The following CNTNAP2 variants were observed in gnomAD, a reference collection of about 807,000 sequenced individuals.
CNTNAP2 encodes the protein contactin associated protein 2.
In CNTNAP2, 98 loss-of-function variants were observed where a neutral mutation model predicts 155.2. That is an observed-to-expected ratio of 0.63 (90% CI 0.54 to 0.75). CNTNAP2 has a LOEUF of 0.75. Ranked by LOEUF, CNTNAP2 falls within the 30% of genes least tolerant of loss-of-function variation. The pLI, the probability that CNTNAP2 is intolerant of heterozygous loss-of-function variation, is 0.00. For missense variants in CNTNAP2, 1,727 were observed against 1,688.1 expected, an observed-to-expected ratio of 1.02 and a Z score of -0.40; for synonymous variants, 651 against 631.2, an observed-to-expected ratio of 1.03 and a Z score of -0.47.
At chr7:147,410,954 T>G (rs1052440221) in intron 10 of CNTNAP2, among the ~76,000 whole-genome samples, 1 of 152,168 alleles carries the variant, frequency 6.6e-6, no homozygotes, top group African/African-American at 2.4e-5. Context: ...CCTAGCTTCT[T>G]TGTTGGTCTT....
chr7:146,509,287 C>A (rs937575235), intron 1 of CNTNAP2, among the ~76,000 whole-genome samples: 9 of 152,302 alleles, frequency 5.9e-5, no homozygotes, highest in Non-Finnish European at 1.0e-4. Flanking sequence ...GGTTGCCTTG[C>A]CCCTGTGCTA....
intron 13 of CNTNAP2, among the ~76,000 whole-genome samples, chr7:147,862,869 A>C (rs1156387357): frequency 1.3e-5 from 2 of 152,142 alleles, no homozygotes; most frequent in Non-Finnish European, 1.5e-5. Flanking sequence ...ACTGATTTCC[A>C]AAGGTATTAT....
At chr7:147,632,503 C>T (rs1223078333) in intron 12 of CNTNAP2, among the ~76,000 whole-genome samples, 1 of 152,140 alleles carries the variant, frequency 6.6e-6, no homozygotes, top group Non-Finnish European at 1.5e-5. Context: ...TCTTGCTGCC[C>T]TGTAAAGAGG....
chr7:148,035,413 C>T (rs2710150), intron 15 of CNTNAP2, among the ~76,000 whole-genome samples: 1 of 152,072 alleles, frequency 6.6e-6, no homozygotes, highest in African/African-American at 2.4e-5. Flanking sequence ...CTGCCCAGGG[C>T]GGCCTAGGGA....
At chr7:146,214,031 G>T (rs746372785) in intron 1 of CNTNAP2, among the ~76,000 whole-genome samples, 12 of 152,166 alleles carry the variant, frequency 7.9e-5, no homozygotes, top group Non-Finnish European at 1.6e-4. Flanking sequence ...AGGCTTCATT[G>T]TGAAGTCAAC....
intron 15 of CNTNAP2, among the ~76,000 whole-genome samples, chr7:148,012,523 C>T (rs1802098863): frequency 6.6e-6 from 1 of 152,106 alleles, no homozygotes; most frequent in Admixed American, 6.5e-5. Context: ...GTATGGTGCT[C>T]TTCAAAATTT....
At chr7:147,417,045 C>T (rs1017059440) in intron 10 of CNTNAP2, among the ~76,000 whole-genome samples, 2 of 149,866 alleles carry the variant, frequency 1.3e-5, no homozygotes, top group South Asian at 2.1e-4. Flanking sequence ...GCCGAGATTG[C>T]GCCACTGCAC....
rs1377470172 is a variant in CNTNAP2 at position 147,558,797 on chromosome 7, C to T, written c.1778-3341C>T. On this transcript the variant is annotated intron_variant, in intron 11 of 23. Coordinates refer to ENST00000361727, the MANE Select transcript of CNTNAP2 (RefSeq NM_014141.6). The stretch of plus-strand genomic sequence containing the variant: ...TTACTCTGTCACCCAGGCTGGAGTG[C>T]GGTGGCACAATCTTATCTCACTGCA... 3.9e-5 allele frequency among the ~76,000 whole-genome samples: 6 copies of T among 152,010 alleles called. No homozygotes were observed. The South Asian group carries it at 6.2e-4, about 16-fold the overall frequency.
At chr7:146,878,222 G>A (rs1795467103) in intron 3 of CNTNAP2, among the ~76,000 whole-genome samples, 1 of 152,114 alleles carries the variant, frequency 6.6e-6, no homozygotes, top group African/African-American at 2.4e-5. Flanking sequence ...GCAGGCTGCT[G>A]ACTTCTGTCA....
chr7:148,402,913 C>G, intron 22 of CNTNAP2, among the ~76,000 whole-genome samples: 1 of 150,048 alleles, frequency 6.7e-6, no homozygotes, highest in Non-Finnish European at 1.5e-5. Flanking sequence ...TTAGATATTT[C>G]AATTTATTTT....
At chr7:146,590,731 T>C (rs1798768750) in intron 1 of CNTNAP2, among the ~76,000 whole-genome samples, 3 of 152,128 alleles carry the variant, frequency 2.0e-5, no homozygotes, top group Admixed American at 2.0e-4. Flanking sequence ...TGAGCTGTGA[T>C]ATGTTTCTGT....
chr7:147,430,920 C>A (rs559997009), intron 10 of CNTNAP2, among the ~76,000 whole-genome samples: 16 of 151,808 alleles, frequency 1.1e-4, no homozygotes, highest in Non-Finnish European at 1.9e-4. Context: ...AAAAATTAGC[C>A]GGGCCTAGTC....
intron 3 of CNTNAP2, among the ~76,000 whole-genome samples, chr7:146,939,824 C>A (rs912673962): frequency 6.6e-6 from 1 of 152,122 alleles, no homozygotes; most frequent in African/African-American, 2.4e-5. Flanking sequence ...GCAAGGGAAA[C>A]CAAAATGCAT....
rs546874260 is a variant in CNTNAP2 at position 146,446,384 on chromosome 7, A to G, written c.98-327887A>G. ...TCTAGAGAAATCTTCTACACATTCT[A>G]CAATATGGAATGCCCAAGGCTGAGG... is the stretch of plus-strand genomic sequence containing the variant. On this transcript the variant is annotated intron_variant, in intron 1 of 23. Transcript: ENST00000361727. 2.0e-5 allele frequency among the ~76,000 whole-genome samples: 3 copies of G among 147,952 alleles called. No individual in the cohort carries two copies. The South Asian group carries it at 6.2e-4, about 31-fold the overall frequency.
chr7:147,036,338 A>C (rs1243650276), intron 3 of CNTNAP2, among the ~76,000 whole-genome samples: 1 of 152,146 alleles, frequency 6.6e-6, no homozygotes, highest in Non-Finnish European at 1.5e-5. Flanking sequence ...CCTAGTGGAA[A>C]ATTTTCAGTT....
intron 2 of CNTNAP2, among the ~76,000 whole-genome samples, chr7:146,798,864 C>A (rs887295174): frequency 2.0e-5 from 3 of 152,076 alleles, no homozygotes; most frequent in African/African-American, 7.2e-5. Flanking sequence ...GCTAAGAGTC[C>A]TAGAAAGCCT....
chr7:146,693,205 T>A (rs1210817367), intron 1 of CNTNAP2, among the ~76,000 whole-genome samples: 1 of 152,112 alleles, frequency 6.6e-6, no homozygotes, highest in Non-Finnish European at 1.5e-5. Flanking sequence ...TTCCATTAAG[T>A]TTAATAAAAT....
chr7:146,287,144 G>A (rs571421387), intron 1 of CNTNAP2, among the ~76,000 whole-genome samples: 6 of 152,238 alleles, frequency 3.9e-5, no homozygotes, highest in Admixed American at 3.9e-4. Context: ...TTTTTCTAAA[G>A]AATAAAAATG....
chr7:146,532,938 A>G (rs963085867), intron 1 of CNTNAP2, among the ~76,000 whole-genome samples: 1 of 151,320 alleles, frequency 6.6e-6, no homozygotes, highest in Admixed American at 6.6e-5. Context: ...AAAAATAAAT[A>G]AAAATAAAAA....
Sources: gnomAD v4.1 joint callset for allele counts (sites outside exome capture counted in the v4.1 genomes callset) on GRCh38, gnomAD v4.1.1 for gene constraint, MANE v1.5 for transcripts, NCBI Gene and HGNC (gene_info 2026-07-23, HGNC 2026-07-21) for gene names.